Variants in MAD1L1 observed in about 807,000 individuals in gnomAD.
MAD1L1 encodes mitotic arrest deficient 1 like 1.
Under a neutral mutation model 96.9 loss-of-function variants are expected in MAD1L1, and 95 were observed. The ratio of observed to expected loss-of-function variants is 0.98; its 90% CI spans 0.83 to 1.16. The LOEUF (loss-of-function observed/expected upper bound fraction) is 1.16, where lower values mean the gene tolerates loss of function less well. Ranked by LOEUF, MAD1L1 falls within the 50% of genes most tolerant of loss-of-function variation. The pLI is 0.00. For synonymous variants in MAD1L1, 473 were observed against 396.6 expected, an observed-to-expected ratio of 1.19 and a Z score of -2.29; for missense variants, 1,007 against 954.4, an observed-to-expected ratio of 1.06 and a Z score of -0.73.
Position 2,002,050 on chromosome 7 carries a change from C to A in MAD1L1, c.1416+15G>T. 6.2e-7 allele frequency: 1 copy of A among 1,613,044 alleles called. No homozygotes were observed. Among genetic ancestry groups the A allele is most frequent in the Non-Finnish European group, 8.5e-7 (1 of 1,179,972 alleles). ...CAGGTGCCCTGAATCCCAGCCACTC[C>A]CGCGTCTGACTCACCATGTCTGCTC... On this transcript the variant is annotated intron_variant, in intron 14 of 18. Transcript: ENST00000265854.
chr7:1,987,949 C>T (rs543690624), intron 14 of MAD1L1, among the ~76,000 whole-genome samples: 3 of 152,326 alleles, frequency 2.0e-5, no homozygotes, highest in South Asian at 2.1e-4. Context: ...GGGCAGCCTA[C>T]AGCCTAGGGA....
chr7:2,187,053 A>G (rs1241676605), intron 10 of MAD1L1, among the ~76,000 whole-genome samples: 1 of 151,862 alleles, frequency 6.6e-6, no homozygotes, highest in Non-Finnish European at 1.5e-5. Context: ...TTGGCCTCCC[A>G]AAGTGCTGGG....
chr7:2,090,791 C>T (rs73032350), intron 11 of MAD1L1, among the ~76,000 whole-genome samples: 4,108 of 152,250 alleles, frequency 0.027, 96 homozygotes, highest in South Asian at 0.088. Flanking sequence ...CTCATCGCTC[C>T]GGGAAGGTGC....
chr7:2,041,334 G>C (rs906582033), intron 12 of MAD1L1, among the ~76,000 whole-genome samples: 4 of 152,154 alleles, frequency 2.6e-5, no homozygotes, highest in African/African-American at 9.7e-5. Context: ...CCTTTGGAAC[G>C]TAATCATCAG....
intron 11 of MAD1L1, chr7:2,079,829 G>C: frequency 4.4e-6 from 2 of 457,490 alleles, no homozygotes; most frequent in Non-Finnish European, 4.5e-6. Flanking sequence ...CAGAGACAAG[G>C]GGGCAAGTCA....
Position 1,968,532 on chromosome 7 carries a change from C to T in MAD1L1, c.1506-10813G>A, listed in dbSNP as rs1477109350. On this transcript the variant is annotated intron_variant, in intron 15 of 18. Transcript: ENST00000265854. This position sits in a 1 kb window ranked among gnomAD's most constrained non-coding sequence, Gnocchi z 5.6. ...CCGGCGGTCAGGTCCACCGTCAATGCCAGCGGTCATGTCCACCATCAACGC... is the reference window on the plus strand; with the variant it reads ...CCGGCGGTCAGGTCCACCGTCAATGTCAGCGGTCATGTCCACCATCAACGC... Among the ~76,000 whole-genome samples the T allele has an allele frequency of 6.6e-6, 1 of 151,772 alleles. No individual in the cohort carries two copies. The highest frequency in any genetic ancestry group is 1.5e-5 in the Non-Finnish European group (1 of 67,946).
intron 9 of MAD1L1, among the ~76,000 whole-genome samples, chr7:2,214,087 C>A (rs1793131337): frequency 6.6e-6 from 1 of 152,262 alleles, no homozygotes; most frequent in African/African-American, 2.4e-5. Context: ...ACGCGCCAGG[C>A]ACTGCTCTGA....
intron 11 of MAD1L1, among the ~76,000 whole-genome samples, chr7:2,129,527 A>T (rs772476791): frequency 4.6e-5 from 7 of 152,168 alleles, no homozygotes; most frequent in Non-Finnish European, 8.8e-5. Flanking sequence ...CGCTTCTCAG[A>T]GTCCAGTCAC....
intron 15 of MAD1L1, among the ~76,000 whole-genome samples, chr7:1,973,193 G>A (rs1052225300): frequency 1.3e-5 from 2 of 152,204 alleles, no homozygotes; most frequent in East Asian, 1.9e-4. Flanking sequence ...TCCGTCAGTC[G>A]TGGAGGCTGA....
chr7:2,171,961 G>A (rs1790728474), intron 10 of MAD1L1, among the ~76,000 whole-genome samples: 1 of 152,162 alleles, frequency 6.6e-6, no homozygotes, highest in African/African-American at 2.4e-5. Context: ...TCACCACGAG[G>A]CCTAAGTCTG....
At chr7:2,149,677 T>C (rs1313528704) in intron 10 of MAD1L1, among the ~76,000 whole-genome samples, 1 of 152,202 alleles carries the variant, frequency 6.6e-6, no homozygotes, top group Admixed American at 6.5e-5. Flanking sequence ...CTTTCTACTT[T>C]CCAGGACGAT....
At chr7:1,957,165 C>G (rs959531391) in intron 16 of MAD1L1, among the ~76,000 whole-genome samples, 2 of 152,254 alleles carry the variant, frequency 1.3e-5, no homozygotes, top group Non-Finnish European at 2.9e-5. Context: ...TCGTCAGAAA[C>G]TGGTCATAAA....
chr7:2,144,353 C>T (rs893621008), intron 11 of MAD1L1, among the ~76,000 whole-genome samples: 1 of 152,228 alleles, frequency 6.6e-6, no homozygotes, highest in African/African-American at 2.4e-5. Context: ...ACAGATGATA[C>T]ACCTGAACCC....
chr7:1,982,373 T>G (rs1039476378), intron 14 of MAD1L1, among the ~76,000 whole-genome samples: 62 of 151,992 alleles, frequency 4.1e-4, no homozygotes, highest in African/African-American at 1.5e-3. Context: ...CAAGCCCAGC[T>G]AATTTTTGTA....
At chr7:2,231,115 A>G (rs1052683160) in intron 1 of MAD1L1, among the ~76,000 whole-genome samples, 2 of 152,192 alleles carry the variant, frequency 1.3e-5, no homozygotes, top group Middle Eastern at 6.8e-3. Context: ...AATGGCCAAC[A>G]TGGCAAAACC....
intron 18 of MAD1L1, among the ~76,000 whole-genome samples, chr7:1,852,700 ATCATACC>A (rs1242983294): frequency 1.3e-5 from 2 of 152,010 alleles, no homozygotes; most frequent in Non-Finnish European, 2.9e-5. Context: ...TTAGGAAGTA[ATCATACC>A]GCTAAATCAC....
At chr7:2,135,844 G>A (rs1418871178) in intron 11 of MAD1L1, among the ~76,000 whole-genome samples, 2 of 152,244 alleles carry the variant, frequency 1.3e-5, no homozygotes, top group Admixed American at 1.3e-4. Context: ...AGCCTTTGGA[G>A]GTGAGTCCAA....
At chr7:1,915,124 G>T (rs1430839924) in intron 17 of MAD1L1, among the ~76,000 whole-genome samples, 1 of 152,208 alleles carries the variant, frequency 6.6e-6, no homozygotes, top group Non-Finnish European at 1.5e-5. Flanking sequence ...CACCCAGCAG[G>T]TATGTGTGGA....
At chr7:1,960,038 G>A (rs1779888656) in intron 15 of MAD1L1, among the ~76,000 whole-genome samples, 1 of 152,138 alleles carries the variant, frequency 6.6e-6, no homozygotes, top group Non-Finnish European at 1.5e-5. Flanking sequence ...TATAAAGGCT[G>A]GAGGAGAAAA....
Sources: gnomAD v4.1 joint callset for allele counts (sites outside exome capture counted in the v4.1 genomes callset) on GRCh38, gnomAD v4.1.1 for gene constraint, Gnocchi (gnomAD v3.1) non-coding constraint, MANE v1.5 for transcripts, NCBI Gene and HGNC (gene_info 2026-07-23, HGNC 2026-07-21) for gene names.